CLEC4E: variants seen among roughly 807,000 people sequenced by gnomAD.
CLEC4E encodes C-type lectin domain family 4 member E.
Under a neutral mutation model 24.7 loss-of-function variants are expected in CLEC4E, and 21 were observed. The ratio of observed to expected loss-of-function variants is 0.85; its 90% CI spans 0.60 to 1.22. CLEC4E has a LOEUF of 1.22. Among genes scored for constraint, CLEC4E ranks in the 50% most tolerant of loss-of-function variants. The probability of loss-of-function intolerance (pLI) is 0.00; values close to 1 mark genes in which losing one functional copy is unlikely to be tolerated. For synonymous variants in CLEC4E, 94 were observed against 85.7 expected, an observed-to-expected ratio of 1.10 and a Z score of -0.54; for missense variants, 249 against 254.1, an observed-to-expected ratio of 0.98 and a Z score of 0.14.
rs1565497127 is a variant in CLEC4E at position 8,540,836 on chromosome 12, T to C, written c.-39A>G. The C allele has an allele frequency of 5.2e-6, 7 of 1,339,036 alleles. No individual in the cohort carries two copies. The highest frequency in any genetic ancestry group is 7.5e-6 in the Non-Finnish European group (7 of 930,226). 82.9% of individuals were successfully genotyped at this position (1,339,036 alleles called of 1,614,324 possible). Reference sequence around the variant, plus strand: ...TTGGTTTTTTGTTTCTCTCTCTCTCTTTTTCTCTCCCTCCCTCTCTTTCTT... The same window carrying C: ...TTGGTTTTTTGTTTCTCTCTCTCTCCTTTTCTCTCCCTCCCTCTCTTTCTT... On this transcript the variant is annotated 5_prime_UTR_variant, in exon 1 of 6. Coordinates refer to ENST00000299663, the MANE Select transcript of CLEC4E (RefSeq NM_014358.4).
At chr12:8,540,660 TAA>T in intron 1 of CLEC4E, 99 bp downstream of exon 1, 1 of 1,063,600 alleles carries the variant, frequency 9.4e-7, no homozygotes. Flanking sequence ...CTTTTTTTTT[TAA>T]CTTCAGTGAA....
At chr12:8,535,437 A>T (rs1002050779) in intron 5 of CLEC4E, among the ~76,000 whole-genome samples, 1 of 152,246 alleles carries the variant, frequency 6.6e-6, no homozygotes, top group Non-Finnish European at 1.5e-5. Context: ...CTCTATCAGG[A>T]AGAATACCTA....
intron 3 of CLEC4E, 126 bp downstream of exon 3, chr12:8,539,091 G>C: frequency 1.5e-6 from 1 of 645,966 alleles, no homozygotes; most frequent in South Asian, 2.0e-5. Flanking sequence ...AAATTTCTAG[G>C]ATTTTACATT....
intron 3 of CLEC4E, among the ~76,000 whole-genome samples, chr12:8,537,912 C>G (rs1372539399): frequency 6.6e-6 from 1 of 152,190 alleles, no homozygotes; most frequent in East Asian, 1.9e-4. Context: ...TACAGAGCTA[C>G]GAGCTGAGGG....
chr12:8,539,334 T>C (rs769685235), intron 2 of CLEC4E, 28 bp from the exon 3 acceptor site: 2 of 1,451,702 alleles, frequency 1.4e-6, no homozygotes, highest in Non-Finnish European at 1.9e-6. Context: ...TAATGTTTGT[T>C]AGTCTTATTT....
chr12:8,539,732 A>G (rs773201986), intron 2 of CLEC4E, 123 bp downstream of exon 2: 77 of 469,884 alleles, frequency 1.6e-4, no homozygotes, highest in Admixed American at 1.1e-3. Context: ...ATTAATAGGG[A>G]AAAAAAAAAG....
chr12:8,535,959 A>G, intron 5 of CLEC4E, 131 bp downstream of exon 5: 1 of 517,034 alleles, frequency 1.9e-6, no homozygotes, highest in Non-Finnish European at 3.6e-6. Flanking sequence ...GGGTGCTTGT[A>G]CTTCTCCTTC....
chr12:8,539,262 G>A lies in CLEC4E; in HGVS notation c.175C>T (p.Leu59=). 1 of 1,613,448 alleles carries A rather than the reference G, an allele frequency of 6.2e-7. No individual in the cohort carries two copies. The part of the protein sequence containing the change: ...FQTCDEKKFQ[L]PENFTELSCY... ...GAGAGCTCTGTGAAATTCTCAGGTAGCTGAAACTTTTTCTCATCACAGGTT... is the reference window on the plus strand; with the variant it reads ...GAGAGCTCTGTGAAATTCTCAGGTAACTGAAACTTTTTCTCATCACAGGTT... Residue 59 remains leucine, a synonymous_variant, in exon 3 of 6, where the codon CTA becomes TTA. Transcript: ENST00000299663.
chr12:8,539,297 C>A lies in CLEC4E; in HGVS notation c.140G>T (p.Arg47Leu). Residue 47 changes from arginine to leucine, a missense_variant, in exon 3 of 6, where the codon CGC becomes CTC. Coordinates refer to ENST00000299663, the MANE Select transcript of CLEC4E (RefSeq NM_014358.4). ...TTTCTCATCACAGGTTTGAAAGATG[C>A]GAAATGTCACTGTAAAAGAAAGGGC... ...CFITRCVVTF[R>L]IFQTCDEKKF... 7 of 1,605,494 alleles carry A rather than the reference C, an allele frequency of 4.4e-6. No individual in the cohort carries two copies. Among genetic ancestry groups the A allele is most frequent in the Non-Finnish European group, 6.0e-6 (7 of 1,174,624 alleles).
chr12:8,540,461 T>C (rs930250527), intron 1 of CLEC4E, among the ~76,000 whole-genome samples: 2 of 151,946 alleles, frequency 1.3e-5, no homozygotes, highest in African/African-American at 2.4e-5. Flanking sequence ...TAATAGTTCC[T>C]CTCTTCCTCC....
chr12:8,539,614 T>G (rs1459842688), intron 2 of CLEC4E, among the ~76,000 whole-genome samples: 3 of 152,112 alleles, frequency 2.0e-5, no homozygotes, highest in African/African-American at 4.8e-5. Context: ...GATTCAGGAC[T>G]GCCAAGGAAG....
chr12:8,539,363 C>T, intron 2 of CLEC4E, 57 bp from the exon 3 acceptor site: 1 of 1,104,412 alleles, frequency 9.1e-7, no homozygotes, highest in Non-Finnish European at 1.3e-6. Context: ...AATGTCAGTT[C>T]CCTCAGTTTT....
intron 3 of CLEC4E, 136 bp downstream of exon 3, chr12:8,539,080 CA>C: frequency 1.6e-6 from 1 of 612,116 alleles, no homozygotes; most frequent in Non-Finnish European, 2.9e-6. Flanking sequence ...ATTGCATCAC[CA>C]AATTTCTAGG....
chr12:8,536,995 G>T, intron 4 of CLEC4E, 120 bp downstream of exon 4: 3 of 848,334 alleles, frequency 3.5e-6, no homozygotes, highest in Non-Finnish European at 5.1e-6. Context: ...AGTAAGAACA[G>T]CATGCATTTT....
intron 3 of CLEC4E, among the ~76,000 whole-genome samples, chr12:8,537,912 C>T (rs1372539399): frequency 3.9e-5 from 6 of 152,190 alleles, no homozygotes; most frequent in Non-Finnish European, 8.8e-5. Flanking sequence ...TACAGAGCTA[C>T]GAGCTGAGGG....
chr12:8,539,194 G>C lies in CLEC4E; in HGVS notation c.220+23C>G, dbSNP rs141562608. ...AAAATGTTGCTTTGTAAATTTTGAT[G>C]TTCACCTTTGGGACTATTATACCTG... On this transcript the variant is annotated intron_variant, in intron 3 of 5. Coordinates refer to ENST00000299663, the MANE Select transcript of CLEC4E (RefSeq NM_014358.4). The C allele has an allele frequency of 1.3e-4, 193 of 1,502,664 alleles. 1 individual carries two copies. The African/African-American group carries it at 2.5e-3, about 19-fold the overall frequency. 93.1% of individuals were successfully genotyped at this position (1,502,664 alleles called of 1,614,324 possible).
chr12:8,537,991 G>A (rs1012837132), intron 3 of CLEC4E, among the ~76,000 whole-genome samples: 17 of 152,262 alleles, frequency 1.1e-4, no homozygotes, highest in African/African-American at 4.1e-4. Context: ...GGCCACCAGA[G>A]GGCTCCTTGG....
At chr12:8,537,067 G>A (rs1940625178) in intron 4 of CLEC4E, 48 bp downstream of exon 4, 1 of 1,573,840 alleles carries the variant, frequency 6.4e-7, no homozygotes, top group African/African-American at 1.4e-5. Context: ...GAAAAGAGAG[G>A]TGGACCATGT....
In CLEC4E at chr12:8,534,039, G is replaced by C. The variant is rs923626817; in HGVS notation, c.*599C>G. On this transcript the variant is annotated 3_prime_UTR_variant, in exon 6 of 6. Transcript: ENST00000299663. Reference sequence around the variant, plus strand: ...GGATGGGTGGACTTGGTTACAGCCTGTTTGGAGCTGATGGCTGGCATGCCC... The same window carrying C: ...GGATGGGTGGACTTGGTTACAGCCTCTTTGGAGCTGATGGCTGGCATGCCC... 2.0e-5 allele frequency: 3 copies of C among 152,368 alleles called. No homozygotes were observed. Among genetic ancestry groups the C allele is most frequent in the African/African-American group, 7.2e-5 (3 of 41,472 alleles). 9.4% of individuals were successfully genotyped at this position (152,368 alleles called of 1,614,324 possible).
Sources: gnomAD v4.1 joint callset for allele counts (sites outside exome capture counted in the v4.1 genomes callset) on GRCh38, gnomAD v4.1.1 for gene constraint, MANE v1.5 for transcripts, NCBI Gene and HGNC (gene_info 2026-07-23, HGNC 2026-07-21) for gene names.